COL14A1: variants seen among roughly 807,000 people sequenced by gnomAD.
COL14A1 encodes collagen type XIV alpha 1 chain.
Under a neutral mutation model 230.3 loss-of-function variants are expected in COL14A1, and 136 were observed. That is an observed-to-expected ratio of 0.59 (90% confidence interval 0.51 to 0.68). The LOEUF (loss-of-function observed/expected upper bound fraction) is 0.68, where lower values mean the gene tolerates loss of function less well. COL14A1 is among the 30% of genes least tolerant of loss of function. COL14A1 has a pLI of 0.00. For synonymous variants in COL14A1, 792 were observed against 784.1 expected (o/e 1.01, Z -0.17); for missense variants, 1,976 against 2,215.8 (o/e 0.89, Z 2.17).
At chr8:120,283,819 T>A in intron 32 of COL14A1, 41 bp downstream of exon 32, 1 of 1,551,602 alleles carries the variant, frequency 6.4e-7, no homozygotes, top group Non-Finnish European at 8.8e-7. Flanking sequence ...TATACATGTA[T>A]GAGTAATGTA....
intron 36 of COL14A1, among the ~76,000 whole-genome samples, chr8:120,309,204 G>A (rs1223408835): frequency 6.6e-6 from 1 of 152,276 alleles, no homozygotes; most frequent in East Asian, 1.9e-4. Flanking sequence ...CAAAGTGCTG[G>A]GATTACAGGC....
intron 14 of COL14A1, among the ~76,000 whole-genome samples, chr8:120,222,867 G>T (rs1817973668): frequency 6.6e-6 from 1 of 152,166 alleles, no homozygotes; most frequent in Non-Finnish European, 1.5e-5. Flanking sequence ...CAATAAACAT[G>T]TAGGTAAATA....
upstream of COL14A1, among the ~76,000 whole-genome samples, chr8:120,124,667 T>G (rs1814258390): frequency 6.6e-6 from 1 of 152,134 alleles, no homozygotes; most frequent in African/African-American, 2.4e-5. Flanking sequence ...GAAGGGGGCC[T>G]TTATAGTGGA....
At chr8:120,276,433 T>G (rs1444583748) in intron 26 of COL14A1, among the ~76,000 whole-genome samples, 1 of 148,312 alleles carries the variant, frequency 6.7e-6, no homozygotes, top group Non-Finnish European at 1.5e-5. Context: ...GGGTGATGGG[T>G]GCACTAAAAT....
At chr8:120,253,398 C>G (rs1474520285) in intron 22 of COL14A1, among the ~76,000 whole-genome samples, 2 of 152,138 alleles carry the variant, frequency 1.3e-5, no homozygotes, top group Non-Finnish European at 2.9e-5. Context: ...TCTGTTTCCT[C>G]TTTCTTCTCT....
intron 19 of COL14A1, among the ~76,000 whole-genome samples, chr8:120,243,061 G>A (rs192749984): frequency 2.0e-5 from 3 of 152,172 alleles, no homozygotes; most frequent in South Asian, 2.1e-4. Context: ...TAAATGGCCC[G>A]GTGATGGGCC....
chr8:120,191,933 G>T (rs1437529663), intron 5 of COL14A1, among the ~76,000 whole-genome samples: 10 of 151,864 alleles, frequency 6.6e-5, no homozygotes, highest in Admixed American at 1.3e-4. Flanking sequence ...TTGAGCCTAT[G>T]TATGTCTCTG....
chr8:120,335,229 C>T (rs910948096), intron 42 of COL14A1, among the ~76,000 whole-genome samples: 1 of 152,124 alleles, frequency 6.6e-6, no homozygotes, highest in Non-Finnish European at 1.5e-5. Flanking sequence ...TTTGGTGGCT[C>T]TGGATTAGAC....
chr8:120,217,239 T>G (rs946723646), intron 14 of COL14A1, among the ~76,000 whole-genome samples: 2 of 152,158 alleles, frequency 1.3e-5, no homozygotes, highest in African/African-American at 4.8e-5. Context: ...TCTAGTTAGA[T>G]GAGCCTAAAT....
At chr8:120,318,591 G>A (rs1476851689) in intron 40 of COL14A1, among the ~76,000 whole-genome samples, 1 of 152,080 alleles carries the variant, frequency 6.6e-6, no homozygotes, top group Non-Finnish European at 1.5e-5. Flanking sequence ...CCTTGGACAC[G>A]AAGCACCCCA....
chr8:120,187,799 G>A (rs564571281), intron 5 of COL14A1, among the ~76,000 whole-genome samples: 75 of 152,220 alleles, frequency 4.9e-4, no homozygotes, highest in Non-Finnish European at 1.0e-3. Flanking sequence ...CAGAGACACT[G>A]CTTTATGTAA....
intron 5 of COL14A1, among the ~76,000 whole-genome samples, chr8:120,170,641 A>G (rs1374893550): frequency 1.3e-5 from 2 of 152,006 alleles, no homozygotes; most frequent in African/African-American, 4.8e-5. Context: ...GTCCATTTCT[A>G]TTTGTAACTC....
At position 120,289,734 on chromosome 8, in the gene COL14A1, C is replaced by G. The variant is rs776498858; in HGVS notation, c.4204C>G (p.Arg1402Gly). The G allele has an allele frequency of 8.7e-6, 14 of 1,613,436 alleles. No individual in the cohort carries two copies. The highest frequency in any genetic ancestry group is 1.3e-5 in the African/African-American group (1 of 74,878). ...DGVEVLGKMVRSRGPGGNSAP... is the reference protein window; with the variant it reads ...DGVEVLGKMVGSRGPGGNSAP... ...TGTAGAAGTGCTAGGGAAAATGGTTCGATCAAGAGGACCAGGTGGAAACTC... is the reference window on the plus strand; with the variant it reads ...TGTAGAAGTGCTAGGGAAAATGGTTGGATCAAGAGGACCAGGTGGAAACTC... The change falls in exon 34 of 48, where the codon CGA (arginine) becomes GGA (glycine). Residue 1402 changes from arginine to glycine, a missense_variant. Arg to Gly is a moderately radical substitution (Grantham distance 125). Coordinates refer to ENST00000297848, the MANE Select transcript of COL14A1 (RefSeq NM_021110.4).
At chr8:120,192,207 T>C in intron 5 of COL14A1, among the ~76,000 whole-genome samples, 1 of 152,216 alleles carries the variant, frequency 6.6e-6, no homozygotes, top group Non-Finnish European at 1.5e-5. Context: ...CCATGTTTAT[T>C]GCTTCCTTCA....
At chr8:120,342,667 A>T (rs544793620) in intron 44 of COL14A1, among the ~76,000 whole-genome samples, 1 of 152,178 alleles carries the variant, frequency 6.6e-6, no homozygotes, top group African/African-American at 2.4e-5. Context: ...CCTTTGTGTC[A>T]TTGGTCCAAG....
intron 14 of COL14A1, among the ~76,000 whole-genome samples, chr8:120,220,766 T>A (rs1325071944): frequency 6.6e-6 from 1 of 152,002 alleles, no homozygotes; most frequent in Admixed American, 6.6e-5. Context: ...TGCTGCTAAT[T>A]GATGATGATA....
In COL14A1 at chr8:120,261,400, G is replaced by T. The variant is rs142196942; in HGVS notation, c.2870-1468G>T. Among the ~76,000 whole-genome samples the T allele has an allele frequency of 3.4e-3, 517 of 152,300 alleles. 3 individuals carry two copies. The highest frequency in any genetic ancestry group is 0.012 in the African/African-American group (491 of 41,556). ...TTCCTTAGAATATTGCCTGGCACAT[G>T]ATAAGCACTCATTAAATGTTGGCTA... On this transcript the variant is annotated intron_variant, in intron 23 of 47. Transcript: ENST00000297848.
At chr8:120,207,142 T>A (rs762547275) in intron 10 of COL14A1, 48 bp downstream of exon 10, 25 of 1,492,986 alleles carry the variant, frequency 1.7e-5, no homozygotes, top group Non-Finnish European at 1.8e-6. Flanking sequence ...TTCTCTCAAG[T>A]CTTCTACAAT....
chr8:120,304,266 A>G (rs868236602), intron 36 of COL14A1, among the ~76,000 whole-genome samples: 24 of 151,772 alleles, frequency 1.6e-4, no homozygotes, highest in Middle Eastern at 3.4e-3. Context: ...GATCTTGGTT[A>G]TTTCTTGTCT....
Sources: allele counts gnomAD v4.1 joint callset (sites outside exome capture counted in the v4.1 genomes callset), GRCh38; gene constraint gnomAD v4.1.1; transcripts MANE v1.5; gene names NCBI Gene and HGNC (gene_info 2026-07-23, HGNC 2026-07-21).